Variants in LRP1B observed in about 807,000 individuals in gnomAD.
LRP1B encodes the protein LDL receptor related protein 1B.
In LRP1B, 217 loss-of-function variants were observed where a neutral mutation model predicts 556.6. That is an observed-to-expected ratio of 0.39 (90% CI 0.35 to 0.44). The LOEUF (loss-of-function observed/expected upper bound fraction) is 0.44. Ranked by LOEUF, LRP1B falls within the 20% of genes least tolerant of loss-of-function variation. LRP1B has a pLI of 1.00. For missense variants in LRP1B, 5,053 were observed against 5,620.8 expected, an observed-to-expected ratio of 0.90 and a Z score of 3.23; for synonymous variants, 2,047 against 1,865.8, an observed-to-expected ratio of 1.10 and a Z score of -2.50.
intron 33 of LRP1B, among the ~76,000 whole-genome samples, chr2:140,772,511 T>C (rs1422526026): frequency 6.6e-6 from 1 of 152,066 alleles, no homozygotes; most frequent in Non-Finnish European, 1.5e-5. Context: ...GATTTCACCA[T>C]GTTGGCCAGG....
chr2:140,681,303 G>C (rs1001114418), intron 41 of LRP1B, among the ~76,000 whole-genome samples: 1 of 151,958 alleles, frequency 6.6e-6, no homozygotes, highest in Non-Finnish European at 1.5e-5. Flanking sequence ...AAAGAGAAAA[G>C]AAGGAATAAA....
intron 43 of LRP1B, among the ~76,000 whole-genome samples, chr2:140,581,213 A>T (rs941335432): frequency 2.0e-5 from 3 of 152,224 alleles, no homozygotes; most frequent in Non-Finnish European, 4.4e-5. Context: ...AAATGACTTT[A>T]GACACTTTAA....
intron 27 of LRP1B, among the ~76,000 whole-genome samples, chr2:140,866,963 G>T (rs1221164410): frequency 6.6e-6 from 1 of 151,952 alleles, no homozygotes; most frequent in African/African-American, 2.4e-5. Flanking sequence ...CTAATAAAGG[G>T]GTCATTGTTT....
At position 141,786,241 on chromosome 2, in the gene LRP1B, A is replaced by G. The variant is rs191579950; in HGVS notation, c.205+24038T>C. Among the ~76,000 whole-genome samples the G allele has an allele frequency of 1.2e-4, 18 of 152,150 alleles. No homozygotes were observed. The East Asian group carries it at 3.5e-3, about 29-fold the overall frequency. On this transcript the variant is annotated intron_variant, in intron 2 of 90. Transcript: ENST00000389484. ...CACATCTTATTTTTTCTACAATAAA[A>G]GGAAAGTGGAAGCCTTCAGTATTAA...
In LRP1B at chr2:140,526,340, A is replaced by G. The variant is rs974646417; in HGVS notation, c.7773T>C (p.Cys2591=). The G allele has an allele frequency of 6.2e-7, 1 of 1,605,484 alleles. No homozygotes were observed. The highest frequency in any genetic ancestry group is 8.5e-7 in the Non-Finnish European group (1 of 1,172,802). ...CTGCACAGCGGAACTCAACCGTGGC[A>G]CAGGTTGAAACTAGAAAAACAGGTA... is the stretch of plus-strand genomic sequence containing the variant. ...SDELDCKVST[C]ATVEFRCADG... is the part of the protein sequence containing the mutation. The change falls in exon 48 of 91, where the codon TGT becomes TGC. Residue 2591 remains cysteine, a synonymous_variant. Transcript: ENST00000389484.
At chr2:140,760,375 T>C (rs946970242) in intron 35 of LRP1B, among the ~76,000 whole-genome samples, 7 of 152,178 alleles carry the variant, frequency 4.6e-5, no homozygotes, top group African/African-American at 1.7e-4. Context: ...GATACCAATA[T>C]GACAACTAAC....
chr2:140,388,527 T>C (rs1683866512), intron 66 of LRP1B, among the ~76,000 whole-genome samples: 1 of 152,148 alleles, frequency 6.6e-6, no homozygotes, highest in Admixed American at 6.5e-5. Flanking sequence ...CAAGTTAGAG[T>C]TCATTGCTAA....
chr2:141,134,827 A>AT (rs948534802), intron 7 of LRP1B, among the ~76,000 whole-genome samples: 4 of 151,530 alleles, frequency 2.6e-5, no homozygotes, highest in African/African-American at 9.7e-5. Context: ...TTATATTATT[A>AT]TTTTTCATTT....
chr2:140,297,905 C>A lies in LRP1B; in HGVS notation c.12870G>T (p.Glu4290Asp), dbSNP rs1476981243. ...AGGTTCCTCCATTTTGACAAAAATC[C>A]TCACAGACTGTCTTACCACAGTTTG... is the stretch of plus-strand genomic sequence containing the variant. ...TGPNCGKTVC[E>D]DFCQNGGTCI... is the part of the protein sequence containing the mutation. The change falls in exon 84 of 91, where the codon GAG becomes GAT. Residue 4290 changes from glutamate to aspartate, a missense_variant. Glu to Asp is a conservative substitution (Grantham distance 45, BLOSUM62 2). Around this residue, in one of 5 missense-constraint regions of LRP1B, gnomAD observed 551 missense variants for 592.0 expected, o/e 0.93. Transcript: ENST00000389484. The A allele has an allele frequency of 6.2e-7, 1 of 1,613,966 alleles. No individual in the cohort carries two copies. The highest frequency in any genetic ancestry group is 8.5e-7 in the Non-Finnish European group (1 of 1,179,898).
intron 35 of LRP1B, among the ~76,000 whole-genome samples, chr2:140,730,759 G>A (rs1687750242): frequency 6.6e-6 from 1 of 152,074 alleles, no homozygotes; most frequent in African/African-American, 2.4e-5. Context: ...GAGTTTCACT[G>A]TGTTGGCCAG....
In LRP1B at chr2:141,476,851, C is replaced by T. The variant is rs189353773; in HGVS notation, c.343+3545G>A. Among the ~76,000 whole-genome samples the T allele has an allele frequency of 2.9e-3, 443 of 152,198 alleles. 3 individuals are homozygous for T. The highest frequency in any genetic ancestry group is 0.01 in the African/African-American group (427 of 41,520). On this transcript the variant is annotated intron_variant, in intron 3 of 90. Transcript: ENST00000389484. ...CTGAAAAAAAGAAAACAGCTGGGCACGGTGGCTCACACCTGTAATTCAAGC... is the reference window on the plus strand; with the variant it reads ...CTGAAAAAAAGAAAACAGCTGGGCATGGTGGCTCACACCTGTAATTCAAGC...
chr2:141,827,831 G>T (rs999715015), intron 1 of LRP1B, among the ~76,000 whole-genome samples: 1 of 151,782 alleles, frequency 6.6e-6, no homozygotes, highest in African/African-American at 2.4e-5. Flanking sequence ...TTGCTATAAA[G>T]TATATATATA....
In LRP1B at chr2:140,837,991, T is replaced by C. The variant is rs563248555; in HGVS notation, c.5209+2000A>G. The stretch of plus-strand genomic sequence containing the variant: ...TGAACAACATCTGAGGGGCCAGCTA[T>C]AAATTGTGAATAGGTAACATGAGTA... On this transcript the variant is annotated intron_variant, in intron 31 of 90. Transcript: ENST00000389484. Among the ~76,000 whole-genome samples the C allele has an allele frequency of 2.6e-5, 4 of 152,252 alleles. No individual in the cohort carries two copies. In the South Asian group the frequency reaches 8.3e-4, roughly 32 times the overall value.
chr2:141,226,992 T>C (rs572781749), intron 6 of LRP1B, among the ~76,000 whole-genome samples: 1 of 152,334 alleles, frequency 6.6e-6, no homozygotes, highest in African/African-American at 2.4e-5. Flanking sequence ...TTATTTTTTA[T>C]TATTCAAAAT....
At chr2:141,414,327 G>C (rs552225947) in intron 3 of LRP1B, among the ~76,000 whole-genome samples, 1 of 146,216 alleles carries the variant, frequency 6.8e-6, no homozygotes, top group Non-Finnish European at 1.5e-5. Flanking sequence ...AAGAGATAAA[G>C]AGAGAAAGAG....
chr2:141,204,815 T>C (rs1682200874), intron 6 of LRP1B, among the ~76,000 whole-genome samples: 1 of 152,000 alleles, frequency 6.6e-6, no homozygotes, highest in South Asian at 2.1e-4. Flanking sequence ...CAGGTGCCTG[T>C]AATCCCAACT....
chr2:141,692,584 C>T (rs186059748), intron 2 of LRP1B, among the ~76,000 whole-genome samples: 1 of 152,064 alleles, frequency 6.6e-6, no homozygotes, highest in East Asian at 2.0e-4. Context: ...TGTTCTTAAC[C>T]TACCGCAGTA....
At chr2:140,236,847 G>A (rs942850219) in intron 89 of LRP1B, among the ~76,000 whole-genome samples, 2 of 150,862 alleles carry the variant, frequency 1.3e-5, no homozygotes, top group Non-Finnish European at 3.0e-5. Flanking sequence ...ACACTAAGCT[G>A]TGTATCTAGA....
At chr2:141,768,167 T>C (rs536735745) in intron 2 of LRP1B, among the ~76,000 whole-genome samples, 2 of 152,166 alleles carry the variant, frequency 1.3e-5, no homozygotes, top group African/African-American at 4.8e-5. Flanking sequence ...CACAACTTCC[T>C]ACATAATGAA....
Sources: allele counts gnomAD v4.1 joint callset (sites outside exome capture counted in the v4.1 genomes callset), GRCh38; gene constraint gnomAD v4.1.1; regional missense constraint gnomAD v4.1.1; transcripts MANE v1.5; gene names NCBI Gene and HGNC (gene_info 2026-07-23, HGNC 2026-07-21).